Variants in PDE10A observed in about 807,000 individuals in gnomAD.
PDE10A encodes phosphodiesterase 10A.
In PDE10A, 39 loss-of-function variants were observed where a neutral mutation model predicts 97.7. The ratio of observed to expected loss-of-function variants is 0.40; its 90% CI spans 0.31 to 0.52. The LOEUF (loss-of-function observed/expected upper bound fraction) is 0.52, where lower values mean the gene tolerates loss of function less well. PDE10A is among the 20% of genes least tolerant of loss of function. The pLI is 0.56. For synonymous variants in PDE10A, 371 were observed against 376.8 expected, an observed-to-expected ratio of 0.98 and a Z score of 0.18; for missense variants, 731 against 1,047.8, an observed-to-expected ratio of 0.70 and a Z score of 4.17.
chr6:165,465,651 T>C (rs1778597971), intron 3 of PDE10A, among the ~76,000 whole-genome samples: 1 of 152,186 alleles, frequency 6.6e-6, no homozygotes, highest in African/African-American at 2.4e-5. Flanking sequence ...AGGTACCACG[T>C]CACAGAGCGG....
intron 1 of PDE10A, among the ~76,000 whole-genome samples, chr6:165,748,083 T>A (rs1792884465): frequency 6.6e-6 from 1 of 152,142 alleles, no homozygotes; most frequent in African/African-American, 2.4e-5. Flanking sequence ...CTAGGGAACA[T>A]GCCTGCTCAC....
At chr6:165,430,978 T>C (rs1007580359) in intron 8 of PDE10A, among the ~76,000 whole-genome samples, 1 of 152,184 alleles carries the variant, frequency 6.6e-6, no homozygotes, top group Non-Finnish European at 1.5e-5. Flanking sequence ...TATAAGTAGT[T>C]GGTGATTTTT....
At chr6:165,532,069 G>A (rs1483939517) in intron 2 of PDE10A, among the ~76,000 whole-genome samples, 1 of 152,140 alleles carries the variant, frequency 6.6e-6, no homozygotes, top group Non-Finnish European at 1.5e-5. Context: ...TATCCAAACT[G>A]TTGTTTGAAT....
chr6:165,640,582 G>T (rs1241340766), intron 1 of PDE10A, among the ~76,000 whole-genome samples: 1 of 152,190 alleles, frequency 6.6e-6, no homozygotes, highest in Non-Finnish European at 1.5e-5. Flanking sequence ...CAGACCATTA[G>T]CCATTAATAA....
chr6:165,454,436 G>A (rs942105844), intron 3 of PDE10A, among the ~76,000 whole-genome samples: 7 of 152,158 alleles, frequency 4.6e-5, no homozygotes, highest in South Asian at 2.1e-4. Flanking sequence ...GATCCCCAAC[G>A]CAACAGTACG....
intron 10 of PDE10A, among the ~76,000 whole-genome samples, chr6:165,420,386 T>C (rs2128231586): frequency 6.6e-6 from 1 of 152,082 alleles, no homozygotes; most frequent in Middle Eastern, 3.4e-3. Flanking sequence ...ACATATAGGA[T>C]CTCCATAACC....
At chr6:165,929,722 C>A (rs1783063203) in intron 1 of PDE10A, among the ~76,000 whole-genome samples, 2 of 152,242 alleles carry the variant, frequency 1.3e-5, no homozygotes, top group African/African-American at 2.4e-5. Context: ...ATGACCGCGT[C>A]CCCACAAGAA....
At chr6:165,592,779 C>A (rs1287263908) in intron 1 of PDE10A, among the ~76,000 whole-genome samples, 3 of 152,144 alleles carry the variant, frequency 2.0e-5, no homozygotes, top group Non-Finnish European at 4.4e-5. Flanking sequence ...AAATGGCCAT[C>A]ATTAAAAAGT....
intron 7 of PDE10A, among the ~76,000 whole-genome samples, chr6:165,432,425 G>A (rs575313849): frequency 7.2e-5 from 11 of 152,316 alleles, no homozygotes; most frequent in Non-Finnish European, 1.5e-4. Flanking sequence ...CGTGGCTGGA[G>A]CGAGTGAGGG....
chr6:165,801,685 G>A (rs1434640898), intron 1 of PDE10A, among the ~76,000 whole-genome samples: 1 of 152,216 alleles, frequency 6.6e-6, no homozygotes, highest in East Asian at 1.9e-4. Flanking sequence ...TCAACACCAT[G>A]TTTCTAGTTA....
chr6:165,559,467 C>T (rs1356381812), intron 1 of PDE10A, among the ~76,000 whole-genome samples: 1 of 152,196 alleles, frequency 6.6e-6, no homozygotes. Flanking sequence ...AAGAAAATTA[C>T]ATACTGTCTC....
chr6:165,526,597 G>A (rs968551597), intron 2 of PDE10A, among the ~76,000 whole-genome samples: 6 of 152,184 alleles, frequency 3.9e-5, no homozygotes, highest in African/African-American at 7.2e-5. Context: ...CCACATCCCC[G>A]TTCAACTCTC....
chr6:165,384,176 G>A (rs1785104113), intron 17 of PDE10A, among the ~76,000 whole-genome samples: 1 of 152,170 alleles, frequency 6.6e-6, no homozygotes, highest in Non-Finnish European at 1.5e-5. Flanking sequence ...GAGAAACAGT[G>A]ATGGATGAGG....
At chr6:165,364,695 T>C (rs964999297) in intron 18 of PDE10A, among the ~76,000 whole-genome samples, 5 of 152,212 alleles carry the variant, frequency 3.3e-5, no homozygotes, top group African/African-American at 1.2e-4. Flanking sequence ...TTAACAATCA[T>C]CTTTTCTGTC....
chr6:165,732,916 G>A (rs1475838561), intron 1 of PDE10A, among the ~76,000 whole-genome samples: 4 of 152,176 alleles, frequency 2.6e-5, no homozygotes, highest in African/African-American at 4.8e-5. Context: ...TCTCCTTCGC[G>A]TGCTGGTTTC....
intron 1 of PDE10A, among the ~76,000 whole-genome samples, chr6:165,878,275 T>A (rs2498574): frequency 6.6e-6 from 1 of 152,068 alleles, no homozygotes; most frequent in East Asian, 1.9e-4. Context: ...TATTTCCCCC[T>A]GCTAAGTCAC....
intron 1 of PDE10A, among the ~76,000 whole-genome samples, chr6:165,673,956 G>A (rs1277393324): frequency 7.0e-6 from 1 of 143,354 alleles, no homozygotes; most frequent in Non-Finnish European, 1.5e-5. Flanking sequence ...ATAAAATAAT[G>A]TGACTTGAAA....
rs1781137298 is a variant in PDE10A at position 165,327,953 on chromosome 6, T to G, written c.*5072A>C. 1 of 152,248 alleles carries G rather than the reference T, an allele frequency of 6.6e-6. No homozygotes were observed. Among genetic ancestry groups the G allele is most frequent in the South Asian group, 2.1e-4 (1 of 4,836 alleles). The allele number at this position is 152,248 out of a possible 1,614,324, so 9.4% of individuals were successfully genotyped here. Reference sequence around the variant, plus strand: ...ACTCTTAGATGCCTTAGCTACGTTATGGATCTAGGATCTCTTTTGTTCATT... The same window carrying G: ...ACTCTTAGATGCCTTAGCTACGTTAGGGATCTAGGATCTCTTTTGTTCATT... On this transcript the variant is annotated 3_prime_UTR_variant, in exon 22 of 22. Coordinates refer to ENST00000539869, the MANE Select transcript of PDE10A (RefSeq NM_001385079.1).
intron 1 of PDE10A, among the ~76,000 whole-genome samples, chr6:165,577,423 C>A (rs1197189527): frequency 6.6e-6 from 1 of 152,168 alleles, no homozygotes; most frequent in Non-Finnish European, 1.5e-5. Flanking sequence ...ACACTCCATG[C>A]TCAAGAAACT....
Sources: gnomAD v4.1 joint callset for allele counts (sites outside exome capture counted in the v4.1 genomes callset) on GRCh38, gnomAD v4.1.1 for gene constraint, MANE v1.5 for transcripts, NCBI Gene and HGNC (gene_info 2026-07-23, HGNC 2026-07-21) for gene names.